Variants in SVIL observed in about 807,000 individuals in gnomAD.
SVIL encodes the protein supervillin, also known as archvillin.
A neutral mutation model predicts 240.4 loss-of-function variants in SVIL; 101 were observed. The ratio of observed to expected loss-of-function variants is 0.42; its 90% CI spans 0.36 to 0.50. The LOEUF (loss-of-function observed/expected upper bound fraction) is 0.50. SVIL is among the 20% of genes least tolerant of loss of function. SVIL has a pLI of 0.01. For missense variants in SVIL, 2,512 were observed against 2,818.7 expected (o/e 0.89, Z 2.46); for synonymous variants, 999 against 1,100.0 (o/e 0.91, Z 1.82).
intron 2 of SVIL, among the ~76,000 whole-genome samples, chr10:29,675,178 A>G (rs1028576069): frequency 6.6e-6 from 1 of 152,190 alleles, no homozygotes; most frequent in African/African-American, 2.4e-5. Flanking sequence ...TGACCCCAGT[A>G]TGAAGCCTGG....
chr10:29,642,397 CAGAA>C (rs1315679894), intron 3 of SVIL, among the ~76,000 whole-genome samples: 9 of 148,120 alleles, frequency 6.1e-5, no homozygotes, highest in East Asian at 4.1e-4. Flanking sequence ...GCCTCAAAAA[CAGAA>C]AGAAAGAGAG....
At chr10:29,567,414 C>A (rs1955061724) in intron 2 of SVIL, among the ~76,000 whole-genome samples, 1 of 152,212 alleles carries the variant, frequency 6.6e-6, no homozygotes, top group Admixed American at 6.5e-5. Flanking sequence ...CCCATGAGCT[C>A]ATATTTTCGT....
intron 2 of SVIL, among the ~76,000 whole-genome samples, chr10:29,674,180 A>T (rs1020472528): frequency 1.2e-4 from 19 of 152,102 alleles, no homozygotes; most frequent in African/African-American, 3.1e-4. Flanking sequence ...AAAAAAAATT[A>T]AAAAATTAGC....
chr10:29,733,597 A>G (rs956022916), intron 1 of SVIL, among the ~76,000 whole-genome samples: 2 of 152,162 alleles, frequency 1.3e-5, no homozygotes, highest in African/African-American at 4.8e-5. Flanking sequence ...GAGGCACGGC[A>G]CCTGGCCTTT....
At chr10:29,514,605 C>T (rs1326914279) in intron 16 of SVIL, among the ~76,000 whole-genome samples, 1 of 152,126 alleles carries the variant, frequency 6.6e-6, no homozygotes, top group African/African-American at 2.4e-5. Flanking sequence ...CAGTTTTGAA[C>T]TCCTGGCCTC....
intron 2 of SVIL, among the ~76,000 whole-genome samples, chr10:29,566,253 T>G (rs1355170629): frequency 2.6e-5 from 4 of 152,226 alleles, no homozygotes; most frequent in Non-Finnish European, 5.9e-5. Context: ...TGTGAAAAAC[T>G]GGCATAATTG....
At chr10:29,515,922 C>T (rs1950169653) in intron 16 of SVIL, among the ~76,000 whole-genome samples, 1 of 152,104 alleles carries the variant, frequency 6.6e-6, no homozygotes, top group South Asian at 2.1e-4. Context: ...CTGATCTGCA[C>T]GGCGACCCCT....
intron 2 of SVIL, among the ~76,000 whole-genome samples, chr10:29,567,756 C>A (rs1046951552): frequency 1.3e-5 from 2 of 152,186 alleles, no homozygotes; most frequent in Non-Finnish European, 2.9e-5. Context: ...GTGACTCACG[C>A]CTGTAATCCC....
At chr10:29,665,780 T>C (rs994054113) in intron 2 of SVIL, among the ~76,000 whole-genome samples, 3 of 150,594 alleles carry the variant, frequency 2.0e-5, no homozygotes, top group Non-Finnish European at 2.9e-5. Context: ...GACAACAGAG[T>C]GAGACTCCAT....
At chr10:29,563,662 GA>G (rs1397879278) in intron 2 of SVIL, among the ~76,000 whole-genome samples, 1 of 110,938 alleles carries the variant, frequency 9.0e-6, no homozygotes. Context: ...TTCTTCTTCA[GA>G]AAATCAGTAA....
chr10:29,621,641 T>G (rs1752794), intron 1 of SVIL, among the ~76,000 whole-genome samples: 14,763 of 152,286 alleles, frequency 0.097, 838 homozygotes, highest in Admixed American at 0.14. Flanking sequence ...GTTTTCAAGC[T>G]ACCTCACAAA....
intron 1 of SVIL, among the ~76,000 whole-genome samples, chr10:29,693,048 C>G (rs2132618852): frequency 6.6e-6 from 1 of 152,284 alleles, no homozygotes; most frequent in Admixed American, 6.5e-5. Context: ...CACAAAAAGA[C>G]TGCAACCTCA....
intron 1 of SVIL, among the ~76,000 whole-genome samples, chr10:29,688,762 G>A (rs1961281581): frequency 6.6e-6 from 1 of 152,154 alleles, no homozygotes; most frequent in Non-Finnish European, 1.5e-5. Context: ...ATCAGGATGT[G>A]TATCAGTATG....
intron 23 of SVIL, 61 bp from the exon 24 acceptor site, chr10:29,487,360 T>A (rs61192312): frequency 2.5e-6 from 4 of 1,585,768 alleles, no homozygotes; most frequent in Non-Finnish European, 3.4e-6. Flanking sequence ...ACGCACCCCA[T>A]ATCGGAAGCA....
intron 1 of SVIL, among the ~76,000 whole-genome samples, chr10:29,591,622 A>T (rs1462710504): frequency 6.6e-6 from 1 of 152,182 alleles, no homozygotes. Flanking sequence ...TAACTTCCAG[A>T]TTCTCCTCCC....
intron 2 of SVIL, among the ~76,000 whole-genome samples, chr10:29,669,314 C>G (rs559467704): frequency 3.3e-5 from 5 of 152,004 alleles, no homozygotes; most frequent in Admixed American, 3.3e-4. Context: ...GGTCTGTGCA[C>G]GAAACTTGCA....
intron 22 of SVIL, 101 bp downstream of exon 22, chr10:29,490,746 A>G: frequency 7.0e-7 from 1 of 1,429,226 alleles, no homozygotes; most frequent in Middle Eastern, 1.9e-4. Flanking sequence ...TCTTCTGAGC[A>G]CCATTATTGG....
At chr10:29,517,600 GA>G (rs1290744539) in intron 16 of SVIL, among the ~76,000 whole-genome samples, 3 of 152,190 alleles carry the variant, frequency 2.0e-5, no homozygotes, top group African/African-American at 7.2e-5. Flanking sequence ...GGCTGGGTGG[GA>G]TACCGAAGGG....
chr10:29,596,299 C>T (rs1489191494), intron 1 of SVIL, among the ~76,000 whole-genome samples: 6 of 152,100 alleles, frequency 3.9e-5, no homozygotes, highest in African/African-American at 9.7e-5. Context: ...AGTGAGACCC[C>T]GTCTCTATAA....
Sources: allele counts gnomAD v4.1 joint callset (sites outside exome capture counted in the v4.1 genomes callset), GRCh38; gene constraint gnomAD v4.1.1; transcripts MANE v1.5; gene names NCBI Gene and HGNC (gene_info 2026-07-23, HGNC 2026-07-21).